Variants in REDIC1 observed in about 807,000 individuals in gnomAD.
REDIC1 encodes HEI10 Interacting Protein 1.
the REDIC1 span, among the ~76,000 whole-genome samples, chr12:39,896,976 C>T: frequency 2.0e-5 from 3 of 152,140 alleles, no homozygotes; most frequent in East Asian, 3.9e-4. Flanking sequence ...AACTTTTAAC[C>T]AGGGAGGTGA....
At chr12:39,674,896 A>T in the REDIC1 span, among the ~76,000 whole-genome samples, 1 of 152,224 alleles carries the variant, frequency 6.6e-6, no homozygotes, top group Non-Finnish European at 1.5e-5. Flanking sequence ...TTTCATGAGC[A>T]GAATCTTGGC....
chr12:39,812,369 TTTCTTTTCTTTTCTTTCTTTCTC>T, the REDIC1 span, among the ~76,000 whole-genome samples: 20 of 125,264 alleles, frequency 1.6e-4, no homozygotes, highest in South Asian at 4.8e-4. Context: ...TTTCTTTTCT[TTTCTTTTCTTTTCTTTCTTTCTC>T]TCTCTCTTTC....
At chr12:39,873,001 CA>C in the REDIC1 span, among the ~76,000 whole-genome samples, 1 of 152,106 alleles carries the variant, frequency 6.6e-6, no homozygotes, top group East Asian at 1.9e-4. Flanking sequence ...CATAATATTT[CA>C]AAAATCAAAT....
the REDIC1 span, chr12:39,640,967 G>T: frequency 6.2e-7 from 1 of 1,610,352 alleles, no homozygotes; most frequent in South Asian, 1.1e-5. Context: ...CCAGGGTTCT[G>T]ATCAAGCAGG....
chr12:39,751,347 G>A, the REDIC1 span, among the ~76,000 whole-genome samples: 1 of 152,202 alleles, frequency 6.6e-6, no homozygotes, highest in Non-Finnish European at 1.5e-5. Flanking sequence ...AAACCACAAT[G>A]AGATACCATC....
At chr12:39,806,107 T>C in the REDIC1 span, among the ~76,000 whole-genome samples, 1 of 152,236 alleles carries the variant, frequency 6.6e-6, no homozygotes. Context: ...TCAATTTGTA[T>C]ACAAATATAT....
chr12:39,709,792 G>T, the REDIC1 span, among the ~76,000 whole-genome samples: 2 of 151,874 alleles, frequency 1.3e-5, no homozygotes, highest in South Asian at 4.1e-4. Context: ...GAATAATGCT[G>T]CAATGAACAT....
At chr12:39,797,781 C>T in the REDIC1 span, among the ~76,000 whole-genome samples, 5 of 151,614 alleles carry the variant, frequency 3.3e-5, no homozygotes, top group Non-Finnish European at 5.9e-5. Context: ...CACACATACA[C>T]GGATGCATAC....
chr12:39,774,364 C>CTT, the REDIC1 span, among the ~76,000 whole-genome samples: 4 of 152,276 alleles, frequency 2.6e-5, no homozygotes, highest in South Asian at 8.3e-4. Context: ...ACAAACTTGG[C>CTT]CCATTACTTC....
At chr12:39,865,813 T>C in the REDIC1 span, among the ~76,000 whole-genome samples, 1 of 152,288 alleles carries the variant, frequency 6.6e-6, no homozygotes, top group East Asian at 1.9e-4. Flanking sequence ...ATTTAAAAGT[T>C]GGAGCTGCAT....
chr12:39,764,703 A>G, the REDIC1 span: 5 of 1,597,798 alleles, frequency 3.1e-6, no homozygotes, highest in African/African-American at 1.4e-5. Flanking sequence ...AGGCAATTCA[A>G]TTAATGCAAC....
the REDIC1 span, among the ~76,000 whole-genome samples, chr12:39,774,792 T>TTAGATG: frequency 6.6e-6 from 1 of 152,298 alleles, no homozygotes; most frequent in Non-Finnish European, 1.5e-5. Context: ...ATATTATTTA[T>TTAGATG]CTATAAATCA....
At chr12:39,641,294 T>A in the REDIC1 span, among the ~76,000 whole-genome samples, 27 of 151,894 alleles carry the variant, frequency 1.8e-4, no homozygotes, top group African/African-American at 5.8e-4. Flanking sequence ...TGATGTACAG[T>A]AATGGTGTCA....
At chr12:39,649,768 AAT>A in the REDIC1 span, among the ~76,000 whole-genome samples, 1 of 151,948 alleles carries the variant, frequency 6.6e-6, no homozygotes, top group African/African-American at 2.4e-5. Flanking sequence ...TTCTTTTCAC[AAT>A]AGTCTTTTCA....
chr12:39,752,308 C>A, the REDIC1 span, among the ~76,000 whole-genome samples: 1 of 152,102 alleles, frequency 6.6e-6, no homozygotes, highest in Admixed American at 6.5e-5. Flanking sequence ...GGAGCACAAA[C>A]CCTATTGTGA....
chr12:39,814,821 C>A, the REDIC1 span, among the ~76,000 whole-genome samples: 1 of 152,152 alleles, frequency 6.6e-6, no homozygotes, highest in African/African-American at 2.4e-5. Flanking sequence ...ATGCATATGT[C>A]ACAATATGCA....
At chr12:39,853,107 C>G in the REDIC1 span, among the ~76,000 whole-genome samples, 1 of 152,098 alleles carries the variant, frequency 6.6e-6, no homozygotes, top group Non-Finnish European at 1.5e-5. Context: ...CTCAAAACGC[C>G]AAGAACCTGG....
the REDIC1 span, among the ~76,000 whole-genome samples, chr12:39,838,114 G>A: frequency 1.4e-5 from 2 of 147,360 alleles, no homozygotes; most frequent in Admixed American, 6.8e-5. Flanking sequence ...ATCATAGACT[G>A]GATTAAGAAA....
the REDIC1 span, among the ~76,000 whole-genome samples, chr12:39,867,860 C>G: frequency 1.7e-4 from 26 of 152,272 alleles, no homozygotes; most frequent in East Asian, 1.9e-3. Context: ...AGTTTTAAAG[C>G]TTTCCACAAG....
Sources: allele counts gnomAD v4.1 joint callset (sites outside exome capture counted in the v4.1 genomes callset), GRCh38; gene constraint gnomAD v4.1.1; transcripts MANE v1.5; gene names NCBI Gene and HGNC (gene_info 2026-07-23, HGNC 2026-07-21).